Variants in HSPG2 observed in about 807,000 individuals in gnomAD.
The protein encoded by HSPG2 is heparan sulfate proteoglycan 2, also known as basement membrane-specific heparan sulfate proteoglycan core protein.
In HSPG2, 278 loss-of-function variants were observed where a neutral mutation model predicts 526.6. The ratio of observed to expected loss-of-function variants is 0.53; its 90% CI spans 0.48 to 0.58. The LOEUF is 0.58. Ranked by LOEUF, HSPG2 falls within the 20% of genes least tolerant of loss-of-function variation. The probability of loss-of-function intolerance (pLI) is 0.00; values close to 1 mark genes in which losing one functional copy is unlikely to be tolerated. For missense variants in HSPG2, 5,354 were observed against 6,099.5 expected, an observed-to-expected ratio of 0.88 and a Z score of 4.07; for synonymous variants, 2,465 against 2,555.4, an observed-to-expected ratio of 0.96 and a Z score of 1.07.
Position 21,864,836 on chromosome 1 carries a change from C to CA in HSPG2, c.4626+6dup, listed in dbSNP as rs763134316. ...TGCAGAGGTGGTGGAGCTGGCCACA[C>CA]ACTCACCTGGCAGGACAGACCGATG... On this transcript the variant is annotated splice_region_variant and intron_variant, in intron 36 of 96. Coordinates refer to ENST00000374695, the MANE Select transcript of HSPG2 (RefSeq NM_005529.7). The surrounding 1 kb of genome is among the most constrained non-coding windows in gnomAD (Gnocchi z 4.8). The CA allele has an allele frequency of 7.5e-6, 12 of 1,605,868 alleles. No individual in the cohort carries two copies. In the African/African-American group the frequency reaches 1.6e-4, roughly 21 times the overall value.
At chr1:21,871,258 GT>G (rs5772965) in intron 33 of HSPG2, among the ~76,000 whole-genome samples, 114 of 114,682 alleles carry the variant, frequency 9.9e-4, no homozygotes, top group African/African-American at 3.5e-3. Flanking sequence ...CAGAGTATTT[GT>G]TTTTTTTTTT....
At chr1:21,875,818 A>G (rs957477560) in intron 24 of HSPG2, 45 bp downstream of exon 24, 1 of 1,607,426 alleles carries the variant, frequency 6.2e-7, no homozygotes, top group Non-Finnish European at 8.5e-7. Context: ...AGGCAGGAGC[A>G]AGGGCCTGCC....
chr1:21,934,163 G>A (rs1644420901), intron 1 of HSPG2, among the ~76,000 whole-genome samples: 1 of 152,232 alleles, frequency 6.6e-6, no homozygotes, highest in South Asian at 2.1e-4. Flanking sequence ...TCAGCTTCCT[G>A]TGGTCCTGTC....
At chr1:21,873,839 C>T (rs1472572068) in intron 29 of HSPG2, 86 bp downstream of exon 29, 2 of 1,188,744 alleles carry the variant, frequency 1.7e-6, no homozygotes, top group Non-Finnish European at 1.2e-6. Context: ...CCTGATTCCT[C>T]TGGGTTGGGA....
At chr1:21,853,124 C>G in intron 50 of HSPG2, 54 bp from the exon 51 acceptor site, 1 of 1,608,964 alleles carries the variant, frequency 6.2e-7, no homozygotes, top group Non-Finnish European at 8.5e-7. Context: ...TAACCTGTAG[C>G]CCTGGGGCAG....
In HSPG2 at chr1:21,880,830, G is replaced by A. The variant is rs1284729154; in HGVS notation, c.1824C>T (p.Asp608=). ...TGTAACGCAGGGAGCCGCCATAGGA[G>A]TCCACCTGGCACAACAGGGTGGATC... ...LPEQFLGNKV[D]SYGGSLRYNV... The change falls in exon 15 of 97, where the codon GAC becomes GAT. Residue 608 remains aspartate (D), a synonymous_variant. Coordinates refer to ENST00000374695, the MANE Select transcript of HSPG2 (RefSeq NM_005529.7). 2.5e-6 allele frequency: 4 copies of A among 1,591,488 alleles called. No homozygotes were observed. The African/African-American group carries it at 5.4e-5, about 21-fold the overall frequency.
At chr1:21,905,165 AC>A (rs1643304395) in intron 1 of HSPG2, among the ~76,000 whole-genome samples, 1 of 92,734 alleles carries the variant, frequency 1.1e-5, no homozygotes, top group Non-Finnish European at 2.0e-5. Flanking sequence ...CACACCCACC[AC>A]CCACCCACAC....
intron 25 of HSPG2, 40 bp from the exon 26 acceptor site, chr1:21,875,042 T>A: frequency 6.9e-7 from 1 of 1,447,206 alleles, no homozygotes; most frequent in South Asian, 1.2e-5. Flanking sequence ...GAGTGCTGGC[T>A]CTGTGCCAGG....
chr1:21,877,083 A>G (rs1307626615), intron 21 of HSPG2, among the ~76,000 whole-genome samples: 1 of 151,800 alleles, frequency 6.6e-6, no homozygotes, highest in Non-Finnish European at 1.5e-5. Flanking sequence ...AAAAGAAAAG[A>G]AAAGAAAAGA....
intron 1 of HSPG2, among the ~76,000 whole-genome samples, chr1:21,906,253 G>C (rs957103912): frequency 6.6e-6 from 1 of 152,228 alleles, no homozygotes; most frequent in Non-Finnish European, 1.5e-5. Context: ...AGAGCATCCC[G>C]GAGGGGTGGG....
intron 29 of HSPG2, 90 bp from the exon 30 acceptor site, chr1:21,873,514 C>T: frequency 4.1e-6 from 5 of 1,213,258 alleles, no homozygotes; most frequent in Non-Finnish European, 6.1e-6. Context: ...AATTCAATGG[C>T]CTCATGCACT....
intron 38 of HSPG2, 31 bp downstream of exon 38, chr1:21,861,957 G>A: frequency 6.2e-7 from 1 of 1,614,220 alleles, no homozygotes; most frequent in Non-Finnish European, 8.5e-7. Flanking sequence ...CAGTGGAAGT[G>A]TGTCCTTGGG....
rs543277819 is a variant in HSPG2 at position 21,823,218 on chromosome 1, C to T, written c.*98G>A. ...GTAGCAGCAAAGCGTGGCATCGCCT[C>T]GGTTTCTTACAAAAATTCATAATAA... On this transcript the variant is annotated 3_prime_UTR_variant, in exon 97 of 97. Transcript: ENST00000374695. 119 of 1,193,000 alleles carry T rather than the reference C, an allele frequency of 1.0e-4. 1 individual carries two copies. Among genetic ancestry groups the T allele is most frequent in the South Asian group, 9.4e-4 (47 of 49,864 alleles). 73.9% of individuals were successfully genotyped at this position (1,193,000 alleles called of 1,614,324 possible).
chr1:21,823,945 A>G, intron 95 of HSPG2, 176 bp downstream of exon 95: 1 of 767,324 alleles, frequency 1.3e-6, no homozygotes. Context: ...GCCTGCCCCC[A>G]GCGGAGTTCA....
chr1:21,863,441 C>T (rs1639985522), intron 37 of HSPG2, among the ~76,000 whole-genome samples: 1 of 152,058 alleles, frequency 6.6e-6, no homozygotes, highest in Non-Finnish European at 1.5e-5. Context: ...GTTACAGATT[C>T]TCCTCCAAAG....
intron 1 of HSPG2, among the ~76,000 whole-genome samples, chr1:21,923,611 A>C (rs1037624293): frequency 6.6e-6 from 1 of 152,070 alleles, no homozygotes; most frequent in Non-Finnish European, 1.5e-5. Flanking sequence ...AGACTCACAA[A>C]TGAGTGCTGA....
chr1:21,848,932 C>T lies in HSPG2; in HGVS notation c.7546G>A (p.Val2516Ile), dbSNP rs1406979869. ...VGSSGTQEAS[V>I]LVTIQQRLSG... ...AGGCGCTGCTGGATGGTGACAAGGA[C>T]TGAGGCTTCCTGGGTACCTGAGCTG... Residue 2516 changes from valine to isoleucine, a missense_variant, in exon 58 of 97, where the codon GTC becomes ATC. By Grantham distance (29) the Val-to-Ile change is conservative (BLOSUM62 3). Coordinates refer to ENST00000374695, the MANE Select transcript of HSPG2 (RefSeq NM_005529.7). This position sits in a 1 kb window ranked among gnomAD's most constrained non-coding sequence, Gnocchi z 4.9. The T allele has an allele frequency of 1.2e-6, 2 of 1,613,876 alleles. No individual in the cohort carries two copies. The highest frequency in any genetic ancestry group is 1.3e-5 in the African/African-American group (1 of 74,880).
At position 21,857,016 on chromosome 1, in the gene HSPG2, CTGCACA is replaced by C. The variant is rs778356413; in HGVS notation, c.5568_5573del (p.His1856_Val1857del). ...ATCAGGTATAGATGGGAGGTGTACC[CTGCACA>C]TGTAGAGTGGCTGTGCCCTGGTCCA... is the stretch of plus-strand genomic sequence containing the variant. On this transcript the variant is annotated inframe_deletion and splice_region_variant, in exon 44 of 97. Coordinates refer to ENST00000374695, the MANE Select transcript of HSPG2 (RefSeq NM_005529.7). 6.2e-6 allele frequency: 10 copies of C among 1,614,082 alleles called. No homozygotes were observed. Among genetic ancestry groups the C allele is most frequent in the Admixed American group, 1.7e-5 (1 of 60,022 alleles).
chr1:21,854,292 C>A lies in HSPG2; in HGVS notation c.6340G>T (p.Glu2114Ter). 1 of 1,574,974 alleles carries A rather than the reference C, an allele frequency of 6.3e-7. No homozygotes were observed. Among genetic ancestry groups the A allele is most frequent in the Admixed American group, 1.9e-5 (1 of 53,654 alleles). The change falls in exon 50 of 97, where the codon GAA becomes TAA. Residue 2114 changes from glutamate (E) to a stop codon, truncating the protein, a stop_gained. Transcript: ENST00000374695. LOFTEE classifies it high-confidence loss of function. ...LPQVSPADSG[E>*]YVCRVENGSG... ...CCATTCTCCACACGGCACACATATT[C>A]TCCAGAATCAGCTGGTGAGACCTGG...
Sources: allele counts gnomAD v4.1 joint callset (sites outside exome capture counted in the v4.1 genomes callset), GRCh38; gene constraint gnomAD v4.1.1; non-coding constraint Gnocchi (gnomAD v3.1); transcripts MANE v1.5; gene names NCBI Gene and HGNC (gene_info 2026-07-23, HGNC 2026-07-21).